FREM2: variants seen among roughly 807,000 people sequenced by gnomAD.
The protein encoded by FREM2 is FRAS1-related extracellular matrix protein 2.
A neutral mutation model predicts 219.9 loss-of-function variants in FREM2; 119 were observed. The observed-to-expected ratio is 0.54, with a 90% CI of 0.47 to 0.63. FREM2 has a LOEUF of 0.63. FREM2 is among the 30% of genes least tolerant of loss of function. FREM2 has a pLI of 0.00. For synonymous variants in FREM2, 1,562 were observed against 1,522.8 expected (o/e 1.03, Z -0.60); for missense variants, 4,030 against 3,993.6 (o/e 1.01, Z -0.25).
chr13:38,705,855 C>A (rs1234588230), intron 2 of FREM2, among the ~76,000 whole-genome samples: 1 of 152,032 alleles, frequency 6.6e-6, no homozygotes, highest in African/African-American at 2.4e-5. Flanking sequence ...TTTCTCCTGT[C>A]TTTCTCACAG....
chr13:38,858,011 G>C lies in FREM2; in HGVS notation c.7193G>C (p.Gly2398Ala), dbSNP rs1294788738. 1 of 1,613,884 alleles carries C rather than the reference G, an allele frequency of 6.2e-7. No individual in the cohort carries two copies. The highest frequency in any genetic ancestry group is 1.1e-5 in the South Asian group (1 of 91,066). The change falls in exon 13 of 24, where the codon GGC (glycine) becomes GCC (alanine). Residue 2398 changes from glycine (G) to alanine (A), a missense_variant. Coordinates refer to ENST00000280481, the MANE Select transcript of FREM2 (RefSeq NM_207361.6). Reference protein sequence around the residue: ...KAKESAEPMSGYPVICITACN... With the variant: ...KAKESAEPMSAYPVICITACN... ...AAGGAGAGTGCTGAACCCATGTCTG[G>C]CTATCCTGTCATCTGTATCACAGTG...
chr13:38,746,145 T>C (rs1188122537), intron 2 of FREM2, among the ~76,000 whole-genome samples: 2 of 152,214 alleles, frequency 1.3e-5, no homozygotes, highest in Non-Finnish European at 2.9e-5. Context: ...CTGTCCTAAA[T>C]TGGTCTTTAG....
chr13:38,741,558 T>A (rs1593377841), intron 2 of FREM2, among the ~76,000 whole-genome samples: 1 of 152,286 alleles, frequency 6.6e-6, no homozygotes, highest in East Asian at 1.9e-4. Context: ...AAGCAAGTCA[T>A]TGTTAGGAGC....
intron 2 of FREM2, among the ~76,000 whole-genome samples, chr13:38,757,236 A>G (rs946218784): frequency 1.2e-4 from 18 of 152,284 alleles, no homozygotes; most frequent in African/African-American, 4.1e-4. Context: ...TAACCATATC[A>G]TGTCCTCAAG....
In FREM2 at chr13:38,688,182, A is replaced by T. The variant is rs1408149139; in HGVS notation, c.838A>T (p.Ile280Leu). Residue 280 changes from isoleucine (I) to leucine (L), a missense_variant, in exon 1 of 24, where the codon ATA becomes TTA. Ile to Leu is a conservative substitution (Grantham distance 5, BLOSUM62 2). Around this residue, in one of 2 missense-constraint regions of FREM2, gnomAD observed 3,102 missense variants for 2,950.7 expected, o/e 1.05. Coordinates refer to ENST00000280481, the MANE Select transcript of FREM2 (RefSeq NM_207361.6). ...AASRSPNRDW[I>L]PMVVELRSRG... ...CAGTCGCTCACCAAACAGGGACTGG[A>T]TACCCATGGTGGTGGAGCTGCGTTC... The T allele has an allele frequency of 3.7e-6, 6 of 1,613,560 alleles. No individual in the cohort carries two copies. Among genetic ancestry groups the T allele is most frequent in the South Asian group, 2.2e-5 (2 of 91,082 alleles).
chr13:38,850,889 A>G (rs1041496609), intron 9 of FREM2, 55 bp from the exon 10 acceptor site: 3 of 1,592,308 alleles, frequency 1.9e-6, no homozygotes, highest in South Asian at 1.1e-5. Context: ...CTCACATTCT[A>G]GTTGTAGATA....
At position 38,690,680 on chromosome 13, in the gene FREM2, A is replaced by G. The variant is rs1593343776; in HGVS notation, c.3336A>G (p.Ser1112=). ...GCACTATAGTTATTCAGCCTACTTC[A>G]GGTTATGTTGAAAACATTTCTCCAG... is the stretch of plus-strand genomic sequence containing the variant. ...ILCTIVIQPT[S]GYVENISPAP... is the part of the protein sequence containing the mutation. Residue 1112 remains serine (S), a synonymous_variant, in exon 1 of 24, where the codon TCA becomes TCG. Coordinates refer to ENST00000280481, the MANE Select transcript of FREM2 (RefSeq NM_207361.6). 2 of 1,613,996 alleles carry G rather than the reference A, an allele frequency of 1.2e-6. No homozygotes were observed. The highest frequency in any genetic ancestry group is 2.2e-5 in the South Asian group (2 of 91,086).
At chr13:38,757,737 C>T (rs1460336351) in intron 2 of FREM2, among the ~76,000 whole-genome samples, 1 of 151,946 alleles carries the variant, frequency 6.6e-6, no homozygotes, top group East Asian at 1.9e-4. Context: ...TGGGATTACA[C>T]CTGCCACCAA....
In FREM2 at chr13:38,697,687, T is replaced by A. The variant is rs757111433; in HGVS notation, c.5174-11T>A. 6.6e-7 allele frequency: 1 copy of A among 1,517,050 alleles called. No homozygotes were observed. The highest frequency in any genetic ancestry group is 2.3e-5 in the East Asian group (1 of 44,406). The allele number at this position is 1,517,050 out of a possible 1,614,324, so 94.0% of individuals were successfully genotyped here. A position where few individuals can be genotyped will look rare whatever the true frequency, so the allele number is the denominator to read the frequency against. ...GGTAATTAATCATCTTGTTTTTTGG[T>A]TATTTTCTAGCTGACATTGATGACA... On this transcript the variant is annotated splice_polypyrimidine_tract_variant and intron_variant, in intron 1 of 23. Transcript: ENST00000280481.
intron 2 of FREM2, among the ~76,000 whole-genome samples, chr13:38,741,332 G>C (rs1872238582): frequency 6.6e-6 from 1 of 152,170 alleles, no homozygotes; most frequent in African/African-American, 2.4e-5. Context: ...GGAGTACCCA[G>C]TGCTCTCTTA....
At chr13:38,709,986 T>TACACACACACAC (rs59108347) in intron 2 of FREM2, among the ~76,000 whole-genome samples, 1 of 130,328 alleles carries the variant, frequency 7.7e-6, no homozygotes, top group Admixed American at 8.0e-5. Context: ...TAACTAAAAA[T>TACACACACACAC]ACACACACAC....
At chr13:38,846,550 G>T (rs1480083877) in intron 6 of FREM2, 23 bp from the exon 7 acceptor site, 8 of 1,608,910 alleles carry the variant, frequency 5.0e-6, no homozygotes, top group South Asian at 4.4e-5. Flanking sequence ...TAACAGAAAT[G>T]ATTTCTGTTC....
Position 38,874,585 on chromosome 13 carries a change from C to T in FREM2, c.8280C>T (p.Pro2760=), listed in dbSNP as rs372374968. The T allele has an allele frequency of 3.7e-5, 60 of 1,611,820 alleles. No homozygotes were observed. Among genetic ancestry groups the T allele is most frequent in the African/African-American group, 5.3e-5 (4 of 74,846 alleles). Residue 2760 remains proline (P), a splice_region_variant and synonymous_variant, in exon 18 of 24, where the codon CCC becomes CCT. Transcript: ENST00000280481. ...ATGGCTTATTTGTGCTGTCACATCC[C>T]GGTAAGCCCCGTTATCTTTTAACAA... The part of the protein sequence containing the change: ...QFHGLFVLSH[P]ASFTSSVIMS...
chr13:38,700,065 C>G (rs1870282025), intron 2 of FREM2, among the ~76,000 whole-genome samples: 2 of 152,044 alleles, frequency 1.3e-5, no homozygotes, highest in Admixed American at 6.6e-5. Flanking sequence ...TTCTTCAAAT[C>G]AACGTGATTG....
intron 6 of FREM2, among the ~76,000 whole-genome samples, chr13:38,812,116 C>T (rs978751604): frequency 4.3e-4 from 65 of 152,088 alleles, no homozygotes; most frequent in African/African-American, 1.5e-3. Context: ...ATAGCTACTC[C>T]TGCTCTTTTT....
chr13:38,876,466 A>G (rs1593459240), intron 20 of FREM2, 84 bp downstream of exon 20: 21 of 1,114,104 alleles, frequency 1.9e-5, no homozygotes, highest in Non-Finnish European at 2.4e-5. Flanking sequence ...AAAAATCCAC[A>G]CGTGAATGAC....
rs567320070 is a variant in FREM2, at chr13:38,882,584, C to T, written c.*1797C>T. 1.3e-5 allele frequency: 2 copies of T among 152,296 alleles called. No homozygotes were observed. Among genetic ancestry groups the T allele is most frequent in the Non-Finnish European group, 2.9e-5 (2 of 68,016 alleles). 9.4% of individuals were successfully genotyped at this position (152,296 alleles called of 1,614,324 possible). A position where few individuals can be genotyped will look rare whatever the true frequency, so the allele number is the denominator to read the frequency against. On this transcript the variant is annotated 3_prime_UTR_variant, in exon 24 of 24. Transcript: ENST00000280481. ...GGAGAATTTACAAAAATATCATCTA[C>T]AGCTCAAAAGTCCCACTAACGGCTT...
At chr13:38,700,068 C>T (rs984567536) in intron 2 of FREM2, among the ~76,000 whole-genome samples, 4 of 151,996 alleles carry the variant, frequency 2.6e-5, no homozygotes, top group African/African-American at 7.2e-5. Flanking sequence ...TTCAAATCAA[C>T]GTGATTGATT....
chr13:38,767,298 T>A (rs1873474838), intron 3 of FREM2, among the ~76,000 whole-genome samples: 1 of 152,228 alleles, frequency 6.6e-6, no homozygotes, highest in Non-Finnish European at 1.5e-5. Flanking sequence ...TTTCATTTAA[T>A]AACAAAAGTG....
Sources: allele counts gnomAD v4.1 joint callset (sites outside exome capture counted in the v4.1 genomes callset), GRCh38; gene constraint gnomAD v4.1.1; regional missense constraint gnomAD v4.1.1; transcripts MANE v1.5; gene names NCBI Gene and HGNC (gene_info 2026-07-23, HGNC 2026-07-21).